The following NSUN6 variants were observed in gnomAD, a reference collection of about 807,000 sequenced individuals.
NSUN6 encodes the protein tRNA (cytosine(72)-C(5))-methyltransferase NSUN6.
In NSUN6, 64 loss-of-function variants were observed where a neutral mutation model predicts 58.0. The ratio of observed to expected loss-of-function variants is 1.10; its 90% CI spans 0.90 to 1.36. The LOEUF (loss-of-function observed/expected upper bound fraction) is 1.36, where lower values mean the gene tolerates loss of function less well. NSUN6 is among the 40% of genes most tolerant of loss of function. The probability of loss-of-function intolerance (pLI) is 0.00; values close to 1 mark genes in which losing one functional copy is unlikely to be tolerated. For synonymous variants in NSUN6, 231 were observed against 193.9 expected (o/e 1.19, Z -1.59); for missense variants, 701 against 550.1 (o/e 1.27, Z -2.74).
intron 8 of NSUN6, among the ~76,000 whole-genome samples, chr10:18,557,357 G>C (rs1368276118): frequency 6.6e-6 from 1 of 151,082 alleles, no homozygotes; most frequent in Non-Finnish European, 1.5e-5. Flanking sequence ...ATGGAGGATG[G>C]TATGGAGAAT....
upstream of NSUN6, chr10:18,655,263 T>C (rs575418948): frequency 1.3e-4 from 48 of 367,282 alleles, no homozygotes; most frequent in African/African-American, 7.7e-4. Flanking sequence ...GGGCAATCTA[T>C]ATCTTTGACA....
rs187123449 is a variant in NSUN6 at position 18,577,746 on chromosome 10, C to G, written c.922+8203G>C. Among the ~76,000 whole-genome samples, 47 of 152,288 alleles carry G rather than the reference C, an allele frequency of 3.1e-4. 1 individual carries two copies. The highest frequency in any genetic ancestry group is 3.4e-3 in the Middle Eastern group (1 of 292). On this transcript the variant is annotated intron_variant, in intron 8 of 10. Coordinates refer to ENST00000377304, the MANE Select transcript of NSUN6 (RefSeq NM_182543.5). ...TTTTAAACTTAACTTCCTCGTAACC[C>G]AACCTTTATCGATCACCTGCTCCAC...
chr10:18,622,451 T>C (rs1366205490), intron 3 of NSUN6, among the ~76,000 whole-genome samples: 1 of 152,190 alleles, frequency 6.6e-6, no homozygotes, highest in Admixed American at 6.5e-5. Flanking sequence ...CAGTGGCTCA[T>C]GCCTGTAATT....
chr10:18,607,632 A>C (rs2131302969), intron 6 of NSUN6, among the ~76,000 whole-genome samples: 1 of 152,358 alleles, frequency 6.6e-6, no homozygotes, highest in South Asian at 2.1e-4. Context: ...CTGAACTTGG[A>C]ACTCAGTACA....
chr10:18,587,071 C>T (rs59666381), intron 7 of NSUN6, among the ~76,000 whole-genome samples: 4,777 of 152,276 alleles, frequency 0.031, 257 homozygotes, highest in African/African-American at 0.11. Flanking sequence ...AATACACATT[C>T]TTGCCAGAAA....
intron 2 of NSUN6, among the ~76,000 whole-genome samples, chr10:18,643,446 C>T (rs1182474404): frequency 2.0e-5 from 3 of 152,148 alleles, no homozygotes; most frequent in Non-Finnish European, 4.4e-5. Flanking sequence ...TGCATGTTTG[C>T]ATTGCCCCAC....
intron 2 of NSUN6, 124 bp downstream of exon 2, chr10:18,648,366 A>C: frequency 1.7e-6 from 1 of 583,562 alleles, no homozygotes; most frequent in Admixed American, 3.0e-5. Context: ...TTTACCATTC[A>C]TGGTCCTCAA....
intron 8 of NSUN6, among the ~76,000 whole-genome samples, chr10:18,555,201 G>C (rs1375836319): frequency 6.6e-6 from 1 of 151,482 alleles, no homozygotes; most frequent in Non-Finnish European, 1.5e-5. Flanking sequence ...GAATGGAATG[G>C]AATATGGAAT....
chr10:18,612,765 C>T (rs918949171), intron 5 of NSUN6, among the ~76,000 whole-genome samples: 10 of 152,198 alleles, frequency 6.6e-5, no homozygotes, highest in Non-Finnish European at 1.0e-4. Flanking sequence ...TATGAGATTA[C>T]ATGTTTCTTT....
At chr10:18,588,976 T>A (rs1490966624) in intron 7 of NSUN6, among the ~76,000 whole-genome samples, 1 of 152,098 alleles carries the variant, frequency 6.6e-6, no homozygotes, top group East Asian at 1.9e-4. Context: ...TCCTCTGAGC[T>A]AAAGGAGCAT....
chr10:18,587,387 T>G lies in NSUN6; in HGVS notation c.778-1294A>C, dbSNP rs542075879. On this transcript the variant is annotated intron_variant, in intron 7 of 10. Coordinates refer to ENST00000377304, the MANE Select transcript of NSUN6 (RefSeq NM_182543.5). ...AAAAATATAAGCCAAAACCTCTGTA[T>G]AGCATAGCAAAATATTTTGGTATGG... 3.9e-5 allele frequency among the ~76,000 whole-genome samples: 6 copies of G among 152,294 alleles called. No homozygotes were observed. In the East Asian group the frequency reaches 1.2e-3, roughly 29 times the overall value.
intron 3 of NSUN6, among the ~76,000 whole-genome samples, chr10:18,632,733 A>G (rs1274849026): frequency 6.6e-6 from 1 of 152,178 alleles, no homozygotes; most frequent in Non-Finnish European, 1.5e-5. Context: ...TTAGAATGGC[A>G]ATCATTAAAA....
intron 1 of NSUN6, 138 bp downstream of exon 1, chr10:18,650,991 G>T: frequency 3.3e-6 from 3 of 912,128 alleles, no homozygotes; most frequent in South Asian, 1.8e-5. Context: ...GAAACATATT[G>T]GTATTTTTAC....
upstream of NSUN6, among the ~76,000 whole-genome samples, chr10:18,657,516 A>G (rs2059790374): frequency 6.6e-6 from 1 of 152,232 alleles, no homozygotes; most frequent in African/African-American, 2.4e-5. Context: ...AGTTAAAAGT[A>G]GAAGTATAAT....
chr10:18,652,212 C>G (rs2059721755), upstream of NSUN6: 1 of 984,886 alleles, frequency 1.0e-6, no homozygotes, highest in Admixed American at 6.2e-5. Flanking sequence ...AAGACCCTCG[C>G]CATTATTTTT....
chr10:18,638,062 T>A lies in NSUN6; in HGVS notation c.311+4414A>T, dbSNP rs553083053. ...ATGTACAACTCTAGTTTTCACTTGC[T>A]TCTATAAAGAAAAACCTAAGTGAAC... is the stretch of plus-strand genomic sequence containing the variant. On this transcript the variant is annotated intron_variant, in intron 3 of 10. Coordinates refer to ENST00000377304, the MANE Select transcript of NSUN6 (RefSeq NM_182543.5). 2.0e-5 allele frequency among the ~76,000 whole-genome samples: 3 copies of A among 152,328 alleles called. No homozygotes were observed. In the East Asian group the frequency reaches 5.8e-4, roughly 29 times the overall value.
intron 7 of NSUN6, among the ~76,000 whole-genome samples, chr10:18,587,629 C>T (rs190865612): frequency 7.2e-5 from 11 of 152,156 alleles, no homozygotes; most frequent in East Asian, 3.9e-4. Context: ...GTGGGTGCAA[C>T]GCACGGACAG....
chr10:18,577,963 C>T (rs1489318108), intron 8 of NSUN6, among the ~76,000 whole-genome samples: 3 of 152,340 alleles, frequency 2.0e-5, no homozygotes, highest in Admixed American at 6.5e-5. Context: ...GAACCCCTTC[C>T]CCTCCCTTGT....
At chr10:18,626,272 G>C (rs1215012641) in intron 3 of NSUN6, among the ~76,000 whole-genome samples, 1 of 151,102 alleles carries the variant, frequency 6.6e-6, no homozygotes, top group Non-Finnish European at 1.5e-5. Flanking sequence ...AGGCATGGTG[G>C]CTCCTGCTTG....
Sources: gnomAD v4.1 joint callset for allele counts (sites outside exome capture counted in the v4.1 genomes callset) on GRCh38, gnomAD v4.1.1 for gene constraint, MANE v1.5 for transcripts, NCBI Gene and HGNC (gene_info 2026-07-23, HGNC 2026-07-21) for gene names.